The following CD72 variants were observed in gnomAD, a reference collection of about 807,000 sequenced individuals.
The protein encoded by CD72 is CD72 molecule, also known as B-cell differentiation antigen CD72.
Under a neutral mutation model 50.7 loss-of-function variants are expected in CD72, and 28 were observed. The ratio of observed to expected loss-of-function variants is 0.55; its 90% CI spans 0.41 to 0.76. CD72 has a LOEUF of 0.76. Ranked by LOEUF, CD72 falls within the 30% of genes least tolerant of loss-of-function variation. The pLI, the probability that CD72 is intolerant of heterozygous loss-of-function variation, is 0.00. For missense variants in CD72, 403 were observed against 420.6 expected (o/e 0.96, Z 0.37); for synonymous variants, 176 against 171.2 (o/e 1.03, Z -0.22).
chr9:35,643,126 C>T (rs1455138893), intron 1 of CD72: 1 of 152,244 alleles, frequency 6.6e-6, no homozygotes, highest in African/African-American at 2.4e-5. Flanking sequence ...GCTTCAAATG[C>T]CAAAAGCCTG....
intron 1 of CD72, among the ~76,000 whole-genome samples, chr9:35,630,036 CTTTTT>C (rs35481553): frequency 7.8e-6 from 1 of 128,972 alleles, no homozygotes; most frequent in African/African-American, 2.9e-5. Flanking sequence ...AATTTCTTTT[CTTTTT>C]TTTTTTTTTT....
chr9:35,613,048 C>T (rs1823011468), intron 5 of CD72, 55 bp from the exon 6 acceptor site: 4 of 1,472,174 alleles, frequency 2.7e-6, no homozygotes, highest in East Asian at 2.3e-5. Flanking sequence ...AGTGACTACT[C>T]AGCAATCTTT....
chr9:35,640,149 C>T lies in CD72; in HGVS notation n.408+6254G>A, dbSNP rs149592044. On this transcript the variant is annotated intron_variant and non_coding_transcript_variant, in intron 1 of 3. Transcript: ENST00000465754. ...TTGGTGTACTAAAAGCCATTTCTGG[C>T]ACTGACCATCTACAGTTAGTGCAGA... Among the ~76,000 whole-genome samples, 402 of 152,358 alleles carry T rather than the reference C, an allele frequency of 2.6e-3. 3 individuals carry two copies. Among genetic ancestry groups the T allele is most frequent in the African/African-American group, 9.4e-3 (392 of 41,582 alleles).
chr9:35,633,900 T>G (rs552309889), intron 1 of CD72, among the ~76,000 whole-genome samples: 1 of 152,350 alleles, frequency 6.6e-6, no homozygotes, highest in Non-Finnish European at 1.5e-5. Context: ...ATATAGCCTC[T>G]GGTTTTTAAA....
intron 1 of CD72, among the ~76,000 whole-genome samples, chr9:35,641,808 G>C (rs1190516808): frequency 1.3e-5 from 2 of 152,048 alleles, no homozygotes; most frequent in African/African-American, 4.8e-5. Flanking sequence ...GGCAGTGTAA[G>C]ACTGTCACCT....
At chr9:35,616,306 G>A (rs1823063870) in intron 4 of CD72, 28 bp from the exon 5 acceptor site, 1 of 1,563,950 alleles carries the variant, frequency 6.4e-7, no homozygotes. Flanking sequence ...TTTGGTGGAT[G>A]TCTTCTCCAG....
intron 8 of CD72, 108 bp from the exon 9 acceptor site, chr9:35,610,408 TA>T (rs1822957155): frequency 2.0e-6 from 1 of 489,506 alleles, no homozygotes; most frequent in Non-Finnish European, 3.6e-6. Flanking sequence ...CAGCCTCCCA[TA>T]AGTTGTAGGC....
chr9:35,640,696 A>C (rs1662341840), intron 1 of CD72, among the ~76,000 whole-genome samples: 2 of 152,242 alleles, frequency 1.3e-5, no homozygotes. Context: ...GGCAAACAGC[A>C]GTGGTGGACG....
intron 1 of CD72, among the ~76,000 whole-genome samples, chr9:35,644,533 TAGTG>T (rs1449815299): frequency 2.0e-5 from 3 of 151,780 alleles, no homozygotes; most frequent in Non-Finnish European, 4.4e-5. Context: ...CTTGGAAAGG[TAGTG>T]AGGTCCTTAC....
chr9:35,633,913 A>G (rs1823268343), intron 1 of CD72, among the ~76,000 whole-genome samples: 2 of 152,208 alleles, frequency 1.3e-5, no homozygotes, highest in Non-Finnish European at 2.9e-5. Flanking sequence ...TTTTTAAAAT[A>G]ATATTTAATA....
chr9:35,610,580 C>T (rs770891471), intron 8 of CD72, 22 bp downstream of exon 8: 2 of 1,597,102 alleles, frequency 1.3e-6, no homozygotes, highest in African/African-American at 1.3e-5. Flanking sequence ...CCCCATGCCT[C>T]AGCCCCATCC....
At chr9:35,621,216 A>G (rs911516870), upstream of CD72, among the ~76,000 whole-genome samples, 1 of 152,160 alleles carries the variant, frequency 6.6e-6, no homozygotes, top group African/African-American at 2.4e-5. Flanking sequence ...TACTATCATC[A>G]TCTGAGAGCC....
intron 1 of CD72, among the ~76,000 whole-genome samples, chr9:35,645,714 G>T (rs1463125645): frequency 6.6e-6 from 1 of 152,056 alleles, no homozygotes; most frequent in African/African-American, 2.4e-5. Context: ...AAAAACACTT[G>T]GTTTCTCTCC....
chr9:35,626,628 G>A (rs1477281317), intron 1 of CD72, among the ~76,000 whole-genome samples: 1 of 152,130 alleles, frequency 6.6e-6, no homozygotes, highest in Admixed American at 6.6e-5. Flanking sequence ...CTTATTTTAG[G>A]AAATTGCCAG....
chr9:35,616,247 C>T lies in CD72; in HGVS notation c.384G>A (p.Thr128=), dbSNP rs778617175. The change falls in exon 5 of 9, where the codon ACG becomes ACA. Residue 128 remains threonine, a synonymous_variant. Transcript: ENST00000259633. ...YLQVSQQLQQ[T]NRVLEVTNSS... ...TGTTAGTGACTTCCAGAACCCTGTT[C>T]GTCTGCTGGAGCTGCTGAGACACCT... is the stretch of plus-strand genomic sequence containing the variant. 5.6e-6 allele frequency: 9 copies of T among 1,613,834 alleles called. No homozygotes were observed. The highest frequency in any genetic ancestry group is 1.6e-4 in the Middle Eastern group (1 of 6,084).
chr9:35,613,134 T>A (rs906984179), intron 5 of CD72, 141 bp from the exon 6 acceptor site: 5 of 697,398 alleles, frequency 7.2e-6, no homozygotes, highest in Non-Finnish European at 1.2e-5. Flanking sequence ...TTCTTTTGCA[T>A]CCCCTGGAAA....
At chr9:35,639,212 AAAT>A (rs1823318222) in intron 1 of CD72, among the ~76,000 whole-genome samples, 2 of 152,272 alleles carry the variant, frequency 1.3e-5, no homozygotes, top group South Asian at 4.1e-4. Context: ...TTGGGTAATA[AAAT>A]AATAATAAAA....
chr9:35,610,481 G>T (rs1053479441), intron 8 of CD72, 121 bp downstream of exon 8: 4 of 520,824 alleles, frequency 7.7e-6, no homozygotes, highest in Non-Finnish European at 1.3e-5. Context: ...GGAGGCTGTG[G>T]AGGAACTTTC....
chr9:35,617,099 G>T, intron 3 of CD72, 77 bp downstream of exon 3: 1 of 1,538,642 alleles, frequency 6.5e-7, no homozygotes, highest in South Asian at 1.2e-5. Context: ...GCTGCACCCC[G>T]CGGGGCCCAG....
Sources: allele counts gnomAD v4.1 joint callset (sites outside exome capture counted in the v4.1 genomes callset), GRCh38; gene constraint gnomAD v4.1.1; transcripts MANE v1.5; gene names NCBI Gene and HGNC (gene_info 2026-07-23, HGNC 2026-07-21).